Variants in TLE2 observed in about 807,000 individuals in gnomAD.
The protein encoded by TLE2 is transducin-like enhancer protein 2.
A neutral mutation model predicts 97.2 loss-of-function variants in TLE2; 74 were observed. The ratio of observed to expected loss-of-function variants is 0.76; its 90% CI spans 0.63 to 0.92. The LOEUF is 0.92. Among genes scored for constraint, TLE2 ranks in the 40% least tolerant of loss-of-function variants. The probability of loss-of-function intolerance (pLI) is 0.00; values close to 1 mark genes in which losing one functional copy is unlikely to be tolerated. For synonymous variants in TLE2, 499 were observed against 432.1 expected, an observed-to-expected ratio of 1.15 and a Z score of -1.92; for missense variants, 1,038 against 1,008.7, an observed-to-expected ratio of 1.03 and a Z score of -0.39.
chr19:3,006,567 C>T lies in TLE2; in HGVS notation c.1353G>A (p.Leu451=). ...GAGIPRHARQ[L]HTLAHGEVVC... is the part of the protein sequence containing the mutation. ...CCACCTCGCCATGGGCCAGCGTGTG[C>T]AGCTGCCGGGCGTGCCGCGGGATGC... is the stretch of plus-strand genomic sequence containing the variant. Residue 451 remains leucine (L), a synonymous_variant, in exon 15 of 20, where the codon CTG becomes CTA. Coordinates refer to ENST00000262953, the MANE Select transcript of TLE2 (RefSeq NM_003260.5). 3 of 1,602,862 alleles carry T rather than the reference C, an allele frequency of 1.9e-6. No individual in the cohort carries two copies. Among genetic ancestry groups the T allele is most frequent in the Admixed American group, 1.7e-5 (1 of 58,516 alleles).
chr19:3,032,104 T>C (rs112399902), upstream of TLE2, among the ~76,000 whole-genome samples: 38,231 of 151,778 alleles, frequency 0.25, 5,027 homozygotes, highest in East Asian at 0.31. This position sits in a 1 kb window ranked among gnomAD's most constrained non-coding sequence, Gnocchi z 4.1. Flanking sequence ...CTAATTTTTT[T>C]TGTATTATTA....
At chr19:3,021,100 A>G (rs1373484856) in intron 5 of TLE2, among the ~76,000 whole-genome samples, 4 of 120,074 alleles carry the variant, frequency 3.3e-5, no homozygotes, top group African/African-American at 1.2e-4. Flanking sequence ...AAAAAAAAAA[A>G]AAAAAAAAAA....
intron 4 of TLE2, chr19:3,025,451 AG>A (rs1259697740): frequency 2.9e-6 from 3 of 1,043,338 alleles, no homozygotes; most frequent in Non-Finnish European, 3.5e-6. Flanking sequence ...AACAAAGGAA[AG>A]GGGCCTCCGC....
chr19:3,012,266 A>G (rs2089612845), intron 11 of TLE2, among the ~76,000 whole-genome samples: 1 of 152,080 alleles, frequency 6.6e-6, no homozygotes, highest in Non-Finnish European at 1.5e-5. Flanking sequence ...AACGAAAAAC[A>G]AACAAAAGGC....
chr19:3,008,455 C>CTTTTTTCT (rs2089521084), intron 14 of TLE2, among the ~76,000 whole-genome samples: 1 of 143,430 alleles, frequency 7.0e-6, no homozygotes, highest in Non-Finnish European at 1.5e-5. Flanking sequence ...TTTCTTTTTT[C>CTTTTTTCT]TTTTTTTTTT....
intron 18 of TLE2, among the ~76,000 whole-genome samples, chr19:3,001,279 A>G (rs1398622663): frequency 6.6e-6 from 1 of 151,808 alleles, no homozygotes; most frequent in Non-Finnish European, 1.5e-5. Flanking sequence ...TCTCAAAAAA[A>G]AAAAAAAATA....
chr19:3,027,721 C>A (rs1034989766), intron 4 of TLE2, 108 bp downstream of exon 4: 5 of 1,086,892 alleles, frequency 4.6e-6, no homozygotes, highest in Non-Finnish European at 6.7e-6. Flanking sequence ...AGGATGAGAC[C>A]CGTGTTCCCT....
intron 4 of TLE2, chr19:3,025,393 A>G (rs1354500420): frequency 8.5e-7 from 1 of 1,174,990 alleles, no homozygotes; most frequent in East Asian, 4.3e-5. Context: ...GCAGACGCTC[A>G]GACACCCAAC....
rs986338700 is a variant in TLE2 at position 3,013,765 on chromosome 19, G to T, written c.777C>A (p.Pro259=). ...GGTCCCGACGGGCAGGAATGCAGAT[G>T]GGTACCTTTCCGCAGGGGGTGGTAG... ...SPATTPCGKV[P]ICIPARRDLV... is the part of the protein sequence containing the mutation. Residue 259 remains proline (P), a synonymous_variant, in exon 11 of 20, where the codon CCC becomes CCA. Coordinates refer to ENST00000262953, the MANE Select transcript of TLE2 (RefSeq NM_003260.5). 1.3e-6 allele frequency: 2 copies of T among 1,562,436 alleles called. No individual in the cohort carries two copies. Among genetic ancestry groups the T allele is most frequent in the African/African-American group, 2.8e-5 (2 of 71,610 alleles).
At chr19:3,008,115 G>A (rs998115919) in intron 14 of TLE2, among the ~76,000 whole-genome samples, 1 of 152,066 alleles carries the variant, frequency 6.6e-6, no homozygotes, top group African/African-American at 2.4e-5. Context: ...AAACTTTTCA[G>A]CTCCTCAGTT....
At chr19:3,024,214 C>T (rs1170412017) in intron 5 of TLE2, among the ~76,000 whole-genome samples, 1 of 151,596 alleles carries the variant, frequency 6.6e-6, no homozygotes, top group Non-Finnish European at 1.5e-5. Flanking sequence ...CCATGTTGGA[C>T]AGGCTGGTCT....
At chr19:3,017,075 A>G (rs1248880912) in intron 8 of TLE2, among the ~76,000 whole-genome samples, 1 of 118,768 alleles carries the variant, frequency 8.4e-6, no homozygotes, top group African/African-American at 4.6e-5. Flanking sequence ...CCTTCTGGGT[A>G]TCTCCCACAC....
At chr19:2,999,960 G>C (rs1330056992) in intron 19 of TLE2, among the ~76,000 whole-genome samples, 1 of 151,120 alleles carries the variant, frequency 6.6e-6, no homozygotes, top group Non-Finnish European at 1.5e-5. Context: ...TTGAACCCGG[G>C]AGGTGGAGCT....
At chr19:3,009,419 C>T in intron 13 of TLE2, 123 bp downstream of exon 13, 2 of 1,227,704 alleles carry the variant, frequency 1.6e-6, no homozygotes, top group Non-Finnish European at 2.2e-6. Context: ...TGCATACTTG[C>T]TGAGCCAGGG....
chr19:3,046,665 G>A (rs1157297221), upstream of TLE2, among the ~76,000 whole-genome samples: 1 of 151,870 alleles, frequency 6.6e-6, no homozygotes, highest in Non-Finnish European at 1.5e-5. Context: ...GTGGATGGGG[G>A]CAATCGAGGC....
chr19:3,019,365 C>A lies in TLE2; in HGVS notation c.468G>T (p.Leu156=). Residue 156 remains leucine, a synonymous_variant, in exon 7 of 20, where the codon CTG becomes CTT. Coordinates refer to ENST00000262953, the MANE Select transcript of TLE2 (RefSeq NM_003260.5). This position sits in a 1 kb window ranked among gnomAD's most constrained non-coding sequence, Gnocchi z 5.1. ...GAGCCTGGGCAGCCAGGGCTCCAGA[C>A]AGAGCAAGCAGCCCCGTAGCACTGC... ...VGGSATGLLA[L]SGALAAQAQL... 1 of 1,558,286 alleles carries A rather than the reference C, an allele frequency of 6.4e-7. No individual in the cohort carries two copies. Among genetic ancestry groups the A allele is most frequent in the Non-Finnish European group, 8.6e-7 (1 of 1,159,380 alleles).
rs184799660 is a variant in TLE2, at chr19:3,042,491, G to C, written c.63+3235C>G. On this transcript the variant is annotated intron_variant, in intron 1 of 18. Transcript: ENST00000426948. ...AGCGGCTGGGGGCGGGAGCGGGGAC[G>C]GGGATGGTAGGGAGGGAGGCGCCAA... 1.7e-3 allele frequency among the ~76,000 whole-genome samples: 254 copies of C among 148,828 alleles called. 2 individuals are homozygous for C. Among genetic ancestry groups the C allele is most frequent in the African/African-American group, 6.0e-3 (239 of 40,110 alleles).
At chr19:3,001,798 T>TTC (rs1361498773) in intron 18 of TLE2, among the ~76,000 whole-genome samples, 15 of 146,446 alleles carry the variant, frequency 1.0e-4, no homozygotes, top group African/African-American at 3.1e-4. Flanking sequence ...TTTCTTTTTT[T>TTC]TTTTTTTTTT....
At chr19:3,035,526 G>C (rs1167281709) in intron 1 of TLE2, among the ~76,000 whole-genome samples, 1 of 151,756 alleles carries the variant, frequency 6.6e-6, no homozygotes, top group East Asian at 1.9e-4. Context: ...TGTGGATGTG[G>C]GTTTACGGAA....
Sources: gnomAD v4.1 joint callset for allele counts (sites outside exome capture counted in the v4.1 genomes callset) on GRCh38, gnomAD v4.1.1 for gene constraint, Gnocchi (gnomAD v3.1) non-coding constraint, MANE v1.5 for transcripts, NCBI Gene and HGNC (gene_info 2026-07-23, HGNC 2026-07-21) for gene names.